Variants in ARHGEF15 observed in about 807,000 individuals in gnomAD.
ARHGEF15 encodes Rho guanine nucleotide exchange factor (GEF) 15.
In ARHGEF15, 58 loss-of-function variants were observed where a neutral mutation model predicts 79.7. The observed-to-expected ratio is 0.73, with a 90% confidence interval of 0.59 to 0.91. The LOEUF (loss-of-function observed/expected upper bound fraction) is 0.91, where lower values mean the gene tolerates loss of function less well. ARHGEF15 is among the 40% of genes least tolerant of loss of function. ARHGEF15 has a pLI of 0.00. For missense variants in ARHGEF15, 1,012 were observed against 1,108.1 expected (o/e 0.91, Z 1.23); for synonymous variants, 442 against 456.0 (o/e 0.97, Z 0.39).
Position 8,315,380 on chromosome 17 carries a change from T to G in ARHGEF15, c.1261-34T>G, listed in dbSNP as rs1904945782. 2 of 1,613,448 alleles carry G rather than the reference T, an allele frequency of 1.2e-6. No homozygotes were observed. The highest frequency in any genetic ancestry group is 1.7e-6 in the Non-Finnish European group (2 of 1,179,646). On this transcript the variant is annotated intron_variant, in intron 6 of 15. Transcript: ENST00000361926. The surrounding 1 kb of genome is among the most constrained non-coding windows in gnomAD (Gnocchi z 4.3). ...AGGGTCCTAGCTTCCCACGGTGAAC[T>G]GGGCTTCCCACGACTGCCTGCTTTT...
In ARHGEF15 at chr17:8,313,036, G is replaced by A. The variant is rs771841639; in HGVS notation, c.716G>A (p.Arg239His). ...GGYEEVPRVP[R>H]RASPLRTSRS... ...TATGAGGAGGTCCCCAGGGTCCCCC[G>A]TCGGGCCTCCCCGCTGCGGACCTCT... Residue 239 changes from arginine (R) to histidine (H), a missense_variant, in exon 3 of 16, where the codon CGT becomes CAT. By Grantham distance (29) the Arg-to-His change is conservative (BLOSUM62 0). Around this residue, in one of 3 missense-constraint regions of ARHGEF15, gnomAD observed 818 missense variants for 882.5 expected, o/e 0.93. Coordinates refer to ENST00000361926, the MANE Select transcript of ARHGEF15 (RefSeq NM_173728.4). 9 of 1,613,362 alleles carry A rather than the reference G, an allele frequency of 5.6e-6. No homozygotes were observed. Among genetic ancestry groups the A allele is most frequent in the South Asian group, 3.3e-5 (3 of 91,062 alleles).
chr17:8,320,432 C>T (rs1905306605), intron 15 of ARHGEF15, among the ~76,000 whole-genome samples: 1 of 151,990 alleles, frequency 6.6e-6, no homozygotes, highest in East Asian at 1.9e-4. Context: ...GGAAGAGTGT[C>T]CCAGCTGGAG....
Position 8,315,599 on chromosome 17 carries a change from G to C in ARHGEF15, c.1421+25G>C, listed in dbSNP as rs768049629. On this transcript the variant is annotated intron_variant, in intron 7 of 15. Transcript: ENST00000361926. This position sits in a 1 kb window ranked among gnomAD's most constrained non-coding sequence, Gnocchi z 4.3. ...GGTCAGTGGCTTTCCGTCCTTCCAG[G>C]GAACCTGCCCTTAGGCTGCTGGGCA... The C allele has an allele frequency of 4.4e-6, 7 of 1,605,672 alleles. No homozygotes were observed. Among genetic ancestry groups the C allele is most frequent in the Non-Finnish European group, 5.9e-6 (7 of 1,179,742 alleles).
Position 8,319,544 on chromosome 17 carries a change from C to A in ARHGEF15, c.2315C>A (p.Thr772Asn). The stretch of plus-strand genomic sequence containing the variant: ...TCAGAGTCGTCTGCACCTGCCAAGA[C>A]TGAAGGACGGAGTCTGGAGTCCAGG... ...LCSESSAPAKTEGRSLESRAA... is the reference protein window; with the variant it reads ...LCSESSAPAKNEGRSLESRAA... Residue 772 changes from threonine (T) to asparagine (N), a missense_variant, in exon 15 of 16, where the codon ACT becomes AAT. Physicochemically the swap from Thr to Asn is moderately conservative, Grantham distance 65. Transcript: ENST00000361926. The A allele has an allele frequency of 1.2e-6, 2 of 1,611,744 alleles. No homozygotes were observed. The highest frequency in any genetic ancestry group is 1.7e-6 in the Non-Finnish European group (2 of 1,179,222).
chr17:8,312,433 C>T lies in ARHGEF15; in HGVS notation c.394C>T (p.Leu132Phe). The T allele has an allele frequency of 1.2e-6, 2 of 1,613,870 alleles. No homozygotes were observed. Among genetic ancestry groups the T allele is most frequent in the Non-Finnish European group, 1.7e-6 (2 of 1,179,906 alleles). ...KPSGSPCTPLLPMAGVLAQNG... is the reference protein window; with the variant it reads ...KPSGSPCTPLFPMAGVLAQNG... ...GTCTGGGTCACCCTGCACGCCTCTG[C>T]TCCCCATGGCTGGAGTCCTGGCTCA... The change falls in exon 2 of 16, where the codon CTC becomes TTC. Residue 132 changes from leucine (L) to phenylalanine (F), a missense_variant. Coordinates refer to ENST00000361926, the MANE Select transcript of ARHGEF15 (RefSeq NM_173728.4).
chr17:8,317,037 TC>T (rs1273036308), intron 9 of ARHGEF15, among the ~76,000 whole-genome samples: 1 of 151,874 alleles, frequency 6.6e-6, no homozygotes, highest in Non-Finnish European at 1.5e-5. Context: ...CCTGCCTCAG[TC>T]ACCCAAAGTG....
At chr17:8,319,913 A>G (rs1010483894) in intron 15 of ARHGEF15, among the ~76,000 whole-genome samples, 1 of 149,034 alleles carries the variant, frequency 6.7e-6, no homozygotes, top group Non-Finnish European at 1.5e-5. Flanking sequence ...GATTACAGGC[A>G]TGAGCCTCTG....
rs200647100 is a variant in ARHGEF15, at chr17:8,318,827, C to G, written c.1950C>G (p.Gly650=). 1.9e-6 allele frequency: 3 copies of G among 1,613,590 alleles called. No homozygotes were observed. The highest frequency in any genetic ancestry group is 3.3e-5 in the Admixed American group (2 of 60,016). Residue 650 remains glycine (G), a synonymous_variant, in exon 12 of 16, where the codon GGC becomes GGG. Coordinates refer to ENST00000361926, the MANE Select transcript of ARHGEF15 (RefSeq NM_173728.4). The surrounding 1 kb of genome is among the most constrained non-coding windows in gnomAD (Gnocchi z 5.0). The part of the protein sequence containing the change: ...ELTELGCRRG[G]VLFASRPRFT... The stretch of plus-strand genomic sequence containing the variant: ...CTGAGTTAGGGTGCCGGAGGGGGGG[C>G]GTGCTCTTTGCCTCGCGCCCCCGCT...
rs761092411 is a variant in ARHGEF15, at chr17:8,313,140, C to G, written c.820C>G (p.Leu274Val). The change falls in exon 3 of 16, where the codon CTC becomes GTC. Residue 274 changes from leucine to valine, a missense_variant. Physicochemically the swap from Leu to Val is conservative, Grantham distance 32. Around this residue, in one of 3 missense-constraint regions of ARHGEF15, gnomAD observed 818 missense variants for 882.5 expected, o/e 0.93. Coordinates refer to ENST00000361926, the MANE Select transcript of ARHGEF15 (RefSeq NM_173728.4). ...TSYRSTAERK[L>V]LPLLKPPKPT... Reference sequence around the variant, plus strand: ...CTACCGCTCCACTGCTGAGCGCAAACTCCTGCCACTCCTCAAGCCTCCCAA... The same window carrying G: ...CTACCGCTCCACTGCTGAGCGCAAAGTCCTGCCACTCCTCAAGCCTCCCAA... 1 of 1,613,034 alleles carries G rather than the reference C, an allele frequency of 6.2e-7. No individual in the cohort carries two copies. Among genetic ancestry groups the G allele is most frequent in the South Asian group, 1.1e-5 (1 of 91,070 alleles).
At chr17:8,311,251 C>T (rs1003366398) in intron 1 of ARHGEF15, among the ~76,000 whole-genome samples, 6 of 151,984 alleles carry the variant, frequency 3.9e-5, no homozygotes, top group Admixed American at 6.6e-5. Context: ...CAGGCCGCAG[C>T]GCCCTGGCCC....
At chr17:8,310,763 C>G (rs113317852) in intron 1 of ARHGEF15, 1 of 152,290 alleles carries the variant, frequency 6.6e-6, no homozygotes, top group East Asian at 1.9e-4. Flanking sequence ...TGGTGTGGTT[C>G]GTGAGGGGGG....
At position 8,316,562 on chromosome 17, in the gene ARHGEF15, G is replaced by A. The variant is rs56981711; in HGVS notation, c.1704+414G>A. 5.2e-3 allele frequency among the ~76,000 whole-genome samples: 796 copies of A among 152,280 alleles called. 8 individuals carry two copies. Among genetic ancestry groups the A allele is most frequent in the African/African-American group, 0.018 (752 of 41,564 alleles). ...CAGCTGGGGTGGTATCACCCCCAAG[G>A]GGGCAAAAATTGGTTCTTTGGGGGT... On this transcript the variant is annotated intron_variant, in intron 9 of 15. Transcript: ENST00000361926.
In ARHGEF15 at chr17:8,321,089, G is replaced by A; in HGVS notation, c.*96G>A. The A allele has an allele frequency of 6.6e-7, 1 of 1,509,400 alleles. No homozygotes were observed. Among genetic ancestry groups the A allele is most frequent in the Non-Finnish European group, 9.1e-7 (1 of 1,104,294 alleles). The allele number at this position is 1,509,400 out of a possible 1,614,324, so 93.5% of individuals were successfully genotyped here. The stretch of plus-strand genomic sequence containing the variant: ...ATCCATTGGATTCACTGTCAGTGGA[G>A]ATACTACCTCTCGTGGCAACCATAG... On this transcript the variant is annotated 3_prime_UTR_variant, in exon 16 of 16. Transcript: ENST00000361926.
rs1007687701 is a variant in ARHGEF15, at chr17:8,315,518, C to T, written c.1365C>T (p.Pro455=). The change falls in exon 7 of 16, where the codon CCC becomes CCT. Residue 455 remains proline, a synonymous_variant. Transcript: ENST00000361926. The surrounding 1 kb of genome is among the most constrained non-coding windows in gnomAD (Gnocchi z 4.3). The part of the protein sequence containing the change: ...LSQALRDTLT[P]RDHHTLFSNV... ...AGGCACTCCGGGACACGCTCACCCC[C>T]CGTGATCACCACACACTCTTCTCCA... 4 of 1,612,374 alleles carry T rather than the reference C, an allele frequency of 2.5e-6. No individual in the cohort carries two copies. Among genetic ancestry groups the T allele is most frequent in the Middle Eastern group, 3.3e-4 (2 of 6,062 alleles).
intron 2 of ARHGEF15, 26 bp from the exon 3 acceptor site, chr17:8,312,896 C>T (rs1285361175): frequency 1.3e-6 from 2 of 1,564,202 alleles, no homozygotes; most frequent in Non-Finnish European, 8.6e-7. Context: ...CAAGGGCTTT[C>T]TCCTTAGGCT....
At chr17:8,310,816 C>T (rs993719046) in intron 1 of ARHGEF15, 1 of 152,216 alleles carries the variant, frequency 6.6e-6, no homozygotes, top group Non-Finnish European at 1.5e-5. Flanking sequence ...TTTCCTGCCC[C>T]TACTCACTCA....
chr17:8,313,585 G>C, intron 4 of ARHGEF15, 30 bp downstream of exon 4: 1 of 1,600,922 alleles, frequency 6.2e-7, no homozygotes, highest in Non-Finnish European at 8.5e-7. Flanking sequence ...CTACTCCCTG[G>C]TTCTCTCCCC....
In ARHGEF15 at chr17:8,316,001, C is replaced by G; in HGVS notation, c.1575-18C>G. The G allele has an allele frequency of 6.2e-7, 1 of 1,600,358 alleles. No homozygotes were observed. Among genetic ancestry groups the G allele is most frequent in the Non-Finnish European group, 8.5e-7 (1 of 1,178,088 alleles). On this transcript the variant is annotated intron_variant, in intron 8 of 15. Transcript: ENST00000361926. ...ACCAGGGCCTCCAGGCAGCCGCTAG[C>G]CATGCCTGCTTCTGCAGGGACACCA...
Position 8,315,518 on chromosome 17 carries a change from C to G in ARHGEF15, c.1365C>G (p.Pro455=), listed in dbSNP as rs1007687701. The G allele has an allele frequency of 5.6e-6, 9 of 1,612,256 alleles. No homozygotes were observed. In the Admixed American group the frequency reaches 1.0e-4, roughly 18 times the overall value. ...LSQALRDTLT[P]RDHHTLFSNV... ...AGGCACTCCGGGACACGCTCACCCC[C>G]CGTGATCACCACACACTCTTCTCCA... Residue 455 remains proline, a synonymous_variant, in exon 7 of 16, where the codon CCC becomes CCG. Coordinates refer to ENST00000361926, the MANE Select transcript of ARHGEF15 (RefSeq NM_173728.4). This position sits in a 1 kb window ranked among gnomAD's most constrained non-coding sequence, Gnocchi z 4.3.
Sources: allele counts gnomAD v4.1 joint callset (sites outside exome capture counted in the v4.1 genomes callset), GRCh38; gene constraint gnomAD v4.1.1; regional missense constraint gnomAD v4.1.1; non-coding constraint Gnocchi (gnomAD v3.1); transcripts MANE v1.5; gene names NCBI Gene and HGNC (gene_info 2026-07-23, HGNC 2026-07-21).